The following SERPINF2 variants were observed in gnomAD, a reference collection of about 807,000 sequenced individuals.
SERPINF2 encodes the protein serpin family F member 2.
SERPINF2 carries 15 observed loss-of-function variants against 45.0 expected under a neutral mutation model. The ratio of observed to expected loss-of-function variants is 0.33; its 90% confidence interval spans 0.22 to 0.51. The LOEUF (loss-of-function observed/expected upper bound fraction) is 0.51, where lower values mean the gene tolerates loss of function less well. Among genes scored for constraint, SERPINF2 ranks in the 20% least tolerant of loss-of-function variants. The pLI is 0.97. For synonymous variants in SERPINF2, 283 were observed against 277.9 expected (o/e 1.02, Z -0.18); for missense variants, 518 against 637.4 (o/e 0.81, Z 2.02).
At chr17:1,746,884 C>A in intron 5 of SERPINF2, 135 bp from the exon 6 acceptor site, 1 of 1,225,206 alleles carries the variant, frequency 8.2e-7, no homozygotes, top group African/African-American at 1.5e-5. Flanking sequence ...CCACGCAGAA[C>A]AGATCCGTGG....
In SERPINF2 at chr17:1,754,217, A is replaced by G. The variant is rs771228095; in HGVS notation, c.1159A>G (p.Ser387Gly). The G allele has an allele frequency of 4.3e-6, 7 of 1,613,734 alleles. No homozygotes were observed. The African/African-American group carries it at 8.0e-5, about 18-fold the overall frequency. The change falls in exon 10 of 10, where the codon AGC (serine) becomes GGC (glycine). Residue 387 changes from serine to glycine, a missense_variant. By Grantham distance (56) the Ser-to-Gly change is moderately conservative. Coordinates refer to ENST00000453066, the MANE Select transcript of SERPINF2 (RefSeq NM_000934.4). ...GCAGCATCAGTCCACCCTGGAGCTC[A>G]GCGAGGTCGGCGTGGAGGCGGCGGC... ...GVQHQSTLELSEVGVEAAAAT... is the reference protein window; with the variant it reads ...GVQHQSTLELGEVGVEAAAAT...
chr17:1,751,043 G>A (rs566329207), intron 8 of SERPINF2, among the ~76,000 whole-genome samples: 17 of 152,286 alleles, frequency 1.1e-4, no homozygotes, highest in South Asian at 8.3e-4. Context: ...ATCCTCCCAC[G>A]GGCAGGGGTT....
intron 7 of SERPINF2, among the ~76,000 whole-genome samples, chr17:1,748,217 C>T (rs1311514185): frequency 1.3e-5 from 2 of 151,396 alleles, no homozygotes; most frequent in African/African-American, 2.4e-5. Flanking sequence ...AGGAGAATGG[C>T]GTGAGCCCGG....
At position 1,746,891 on chromosome 17, in the gene SERPINF2, G is replaced by A. The variant is rs560295951; in HGVS notation, c.368-128G>A. 8 of 1,273,480 alleles carry A rather than the reference G, an allele frequency of 6.3e-6. No individual in the cohort carries two copies. In the Admixed American group the frequency reaches 6.6e-5, roughly 11 times the overall value. 78.9% of individuals were successfully genotyped at this position (1,273,480 alleles called of 1,614,324 possible). ...GGTGAGAGCCACGCAGAACAGATCC[G>A]TGGCTGTGGAAGGATGGCGTGTGGT... is the stretch of plus-strand genomic sequence containing the variant. On this transcript the variant is annotated intron_variant, in intron 5 of 9. Transcript: ENST00000453066.
chr17:1,744,870 C>A (rs996877956), intron 1 of SERPINF2, 122 bp from the exon 2 acceptor site: 9 of 1,565,486 alleles, frequency 5.7e-6, no homozygotes, highest in African/African-American at 1.4e-5. Flanking sequence ...GATTCTGGAG[C>A]CTGCTTCTTC....
At chr17:1,750,401 C>T (rs1705843422) in intron 8 of SERPINF2, among the ~76,000 whole-genome samples, 1 of 152,070 alleles carries the variant, frequency 6.6e-6, no homozygotes, top group Admixed American at 6.6e-5. Flanking sequence ...CCTGCCTCAG[C>T]CTCCCAACGT....
rs1194924012 is a variant in SERPINF2, at chr17:1,745,619, T to C, written c.166-89T>C. 4 of 1,374,466 alleles carry C rather than the reference T, an allele frequency of 2.9e-6. No individual in the cohort carries two copies. The Admixed American group carries it at 7.0e-5, about 24-fold the overall frequency. 85.1% of individuals were successfully genotyped at this position (1,374,466 alleles called of 1,614,324 possible). On this transcript the variant is annotated intron_variant, in intron 4 of 9. Coordinates refer to ENST00000453066, the MANE Select transcript of SERPINF2 (RefSeq NM_000934.4). The surrounding 1 kb of genome is among the most constrained non-coding windows in gnomAD (Gnocchi z 6.2). The stretch of plus-strand genomic sequence containing the variant: ...CTGGGGCTGGGACAAGGCCCTGCTG[T>C]CCTCAGGCACAGGGGCTGTGACAAG...
At chr17:1,744,452 C>T (rs1049562097) in intron 1 of SERPINF2, 17 of 668,196 alleles carry the variant, frequency 2.5e-5, no homozygotes, top group Admixed American at 6.3e-5. Context: ...GAGATCCTGC[C>T]ACTGCACTCC....
intron 1 of SERPINF2, 149 bp from the exon 2 acceptor site, chr17:1,744,843 T>C (rs1905647795): frequency 6.6e-7 from 1 of 1,520,560 alleles, no homozygotes; most frequent in Admixed American, 2.0e-5. Flanking sequence ...GCTGCTCGTG[T>C]GTTTGGGGTC....
In SERPINF2 at chr17:1,754,005, C is replaced by T. The variant is rs192798080; in HGVS notation, c.1064-117C>T. On this transcript the variant is annotated intron_variant, in intron 9 of 9. Transcript: ENST00000453066. ...TCTTGGAAACCGGATAGGAATGAAG[C>T]AGGTATCTGTGAGTTCAAGCTGTTC... The T allele has an allele frequency of 6.9e-6, 8 of 1,162,388 alleles. No individual in the cohort carries two copies. The East Asian group carries it at 1.9e-4, about 28-fold the overall frequency. The allele number at this position is 1,162,388 out of a possible 1,614,324, so 72.0% of individuals were successfully genotyped here. A position where few individuals can be genotyped will look rare whatever the true frequency, so the allele number is the denominator to read the frequency against.
At chr17:1,743,101 G>A in intron 1 of SERPINF2, 193 bp downstream of exon 1, 1 of 985,012 alleles carries the variant, frequency 1.0e-6, no homozygotes, top group Non-Finnish European at 1.2e-6. Flanking sequence ...CCTGGCCAAG[G>A]GCTCTTGTGT....
Position 1,754,268 on chromosome 17 carries a change from A to G in SERPINF2, c.1210A>G (p.Met404Val). 1.9e-6 allele frequency: 3 copies of G among 1,614,106 alleles called. No homozygotes were observed. The highest frequency in any genetic ancestry group is 4.5e-5 in the East Asian group (2 of 44,880). ...AAATSIAMSR[M>V]SLSSFSVNRP... Reference sequence around the variant, plus strand: ...GGCCACCAGCATTGCCATGTCCCGCATGTCCCTGTCCTCCTTCAGCGTGAA... The same window carrying G: ...GGCCACCAGCATTGCCATGTCCCGCGTGTCCCTGTCCTCCTTCAGCGTGAA... Residue 404 changes from methionine (M) to valine (V), a missense_variant, in exon 10 of 10, where the codon ATG becomes GTG. Met to Val is a conservative substitution (Grantham distance 21, BLOSUM62 1). Around this residue, in one of 2 missense-constraint regions of SERPINF2, gnomAD observed 435 missense variants for 577.3 expected, o/e 0.75. Coordinates refer to ENST00000453066, the MANE Select transcript of SERPINF2 (RefSeq NM_000934.4).
At chr17:1,751,833 T>G (rs12941910) in intron 8 of SERPINF2, among the ~76,000 whole-genome samples, 21 of 105,190 alleles carry the variant, frequency 2.0e-4, no homozygotes, top group Middle Eastern at 5.3e-3. Context: ...GAGGGAGGTG[T>G]GGGAGGGTGG....
intron 7 of SERPINF2, among the ~76,000 whole-genome samples, chr17:1,748,378 C>T (rs1199021986): frequency 6.6e-6 from 1 of 151,896 alleles, no homozygotes; most frequent in Admixed American, 6.6e-5. Flanking sequence ...GCCCAGATTT[C>T]AAAAATGCTA....
Position 1,744,956 on chromosome 17 carries a change from G to A in SERPINF2, c.-4-36G>A, listed in dbSNP as rs373385252. On this transcript the variant is annotated intron_variant, in intron 1 of 9. Coordinates refer to ENST00000453066, the MANE Select transcript of SERPINF2 (RefSeq NM_000934.4). Reference sequence around the variant, plus strand: ...AGGATTCCCTGGCGGGCGTGGGGATGTGAGATGGGAACAGAGCTTTCTGTC... The same window carrying A: ...AGGATTCCCTGGCGGGCGTGGGGATATGAGATGGGAACAGAGCTTTCTGTC... 129 of 1,613,114 alleles carry A rather than the reference G, an allele frequency of 8.0e-5. 1 individual carries two copies. The highest frequency in any genetic ancestry group is 1.1e-4 in the Non-Finnish European group (126 of 1,179,718).
In SERPINF2 at chr17:1,747,079, G is replaced by T; in HGVS notation, c.428G>T (p.Cys143Phe). 1 of 1,609,754 alleles carries T rather than the reference G, an allele frequency of 6.2e-7. No homozygotes were observed. ...GTGCTGCACGCAGGCTCAGGGCCCT[G>T]CCTCCCCCATCTGCTGAGCCGCCTC... is the stretch of plus-strand genomic sequence containing the variant. ...QQVLHAGSGPCLPHLLSRLCQ... is the reference protein window; with the variant it reads ...QQVLHAGSGPFLPHLLSRLCQ... The change falls in exon 6 of 10, where the codon TGC becomes TTC. Residue 143 changes from cysteine (C) to phenylalanine (F), a missense_variant. Coordinates refer to ENST00000453066, the MANE Select transcript of SERPINF2 (RefSeq NM_000934.4).
Position 1,747,474 on chromosome 17 carries a change from A to T in SERPINF2, c.677A>T (p.Asp226Val). The change falls in exon 7 of 10, where the codon GAC becomes GTC. Residue 226 changes from aspartate (D) to valine (V), a missense_variant. This residue lies in a region of SERPINF2 where 435 missense variants were observed against 577.3 expected (regional missense o/e 0.75). Transcript: ENST00000453066. The stretch of plus-strand genomic sequence containing the variant: ...GAATTCCTCTCTGGGCTGCCGGAAG[A>T]CACCGTGTTGCTTCTCCTCAACGCC... ...IQEFLSGLPE[D>V]TVLLLLNAIH... 1 of 1,614,118 alleles carries T rather than the reference A, an allele frequency of 6.2e-7. No homozygotes were observed. Among genetic ancestry groups the T allele is most frequent in the Non-Finnish European group, 8.5e-7 (1 of 1,180,028 alleles).
rs779114899 is a variant in SERPINF2, at chr17:1,754,266, G to A, written c.1208G>A (p.Arg403His). 1.2e-6 allele frequency: 2 copies of A among 1,613,964 alleles called. No individual in the cohort carries two copies. Among genetic ancestry groups the A allele is most frequent in the African/African-American group, 1.3e-5 (1 of 74,928 alleles). The change falls in exon 10 of 10, where the codon CGC (arginine) becomes CAC (histidine). Residue 403 changes from arginine to histidine, a missense_variant. Physicochemically the swap from Arg to His is conservative, Grantham distance 29 (BLOSUM62 0). This residue lies in a region of SERPINF2 where 435 missense variants were observed against 577.3 expected (regional missense o/e 0.75). Transcript: ENST00000453066. ...GCGGCCACCAGCATTGCCATGTCCC[G>A]CATGTCCCTGTCCTCCTTCAGCGTG... ...AAAATSIAMS[R>H]MSLSSFSVNR...
chr17:1,754,262 T>G lies in SERPINF2; in HGVS notation c.1204T>G (p.Ser402Ala). 1 of 1,614,120 alleles carries G rather than the reference T, an allele frequency of 6.2e-7. No homozygotes were observed. The highest frequency in any genetic ancestry group is 8.5e-7 in the Non-Finnish European group (1 of 1,180,022). The change falls in exon 10 of 10, where the codon TCC becomes GCC. Residue 402 changes from serine (S) to alanine (A), a missense_variant. By Grantham distance (99) the Ser-to-Ala change is moderately conservative (BLOSUM62 1). Transcript: ENST00000453066. ...GGCGGCGGCCACCAGCATTGCCATG[T>G]CCCGCATGTCCCTGTCCTCCTTCAG... ...EAAAATSIAM[S>A]RMSLSSFSVN... is the part of the protein sequence containing the mutation.
Sources: gnomAD v4.1 joint callset for allele counts (sites outside exome capture counted in the v4.1 genomes callset) on GRCh38, gnomAD v4.1.1 for gene constraint, gnomAD v4.1.1 regional missense constraint, Gnocchi (gnomAD v3.1) non-coding constraint, MANE v1.5 for transcripts, NCBI Gene and HGNC (gene_info 2026-07-23, HGNC 2026-07-21) for gene names.